Variants in RNASE12 observed in about 807,000 individuals in gnomAD.
The protein encoded by RNASE12 is probable inactive ribonuclease-like protein 12.
For synonymous variants in RNASE12, 55 were observed against 59.8 expected (o/e 0.92, Z 0.37); for missense variants, 161 against 177.6 (o/e 0.91, Z 0.53).
In RNASE12 at chr14:20,590,544, G is replaced by A. The variant is rs1310966333; in HGVS notation, c.180C>T (p.His60=). ...TGAAGACATGCTCCTTTTTACAAGT[G>A]TGGTCAGGTTCCCTGATAACTCTTT... Residue 60 remains histidine, a synonymous_variant, in exon 1 of 1, where the codon CAC becomes CAT. Transcript: ENST00000556526. 4 of 1,614,254 alleles carry A rather than the reference G, an allele frequency of 2.5e-6. No homozygotes were observed. In the South Asian group the frequency reaches 3.3e-5, roughly 13 times the overall value.
exon 1 of RNASE12, chr14:20,590,593 C>A: frequency 6.2e-7 from 1 of 1,614,228 alleles, no homozygotes; most frequent in Non-Finnish European, 8.5e-7. Flanking sequence ...GTTGCAGTAC[C>A]TTGCAGGAAC....
exon 1 of RNASE12, chr14:20,590,705 T>G: frequency 6.2e-7 from 1 of 1,613,886 alleles, no homozygotes; most frequent in South Asian, 1.1e-5. Context: ...ACCAAGAAAA[T>G]TATCACCATT....
chr14:20,590,782 G>GA lies in RNASE12; in HGVS notation c.-60dup, dbSNP rs1884560933. ...GACTGCTGTTGAGTAAGGGAAGATA[G>GA]AAAGTAGCAAAGGACAGTCAGATTC... On this transcript the variant is annotated 5_prime_UTR_variant, in exon 1 of 1. Coordinates refer to ENST00000556526, the Ensembl canonical transcript of RNASE12. The GA allele has an allele frequency of 1.9e-6, 3 of 1,582,400 alleles. No individual in the cohort carries two copies. In the Admixed American group the frequency reaches 5.1e-5, roughly 27 times the overall value.
At chr14:20,590,914 T>C (rs758742735), upstream of RNASE12, 35 of 1,427,784 alleles carry the variant, frequency 2.5e-5, no homozygotes, top group Non-Finnish European at 3.0e-5. Flanking sequence ...GGAGGCATAG[T>C]TCCCCAAGAA....
At chr14:20,590,160 C>T, downstream of RNASE12, 1 of 1,491,036 alleles carries the variant, frequency 6.7e-7, no homozygotes, top group Non-Finnish European at 8.9e-7. Context: ...AATTAATTAC[C>T]AGTGGCTTCC....
chr14:20,590,585 T>C, exon 1 of RNASE12: 1 of 1,614,276 alleles, frequency 6.2e-7, no homozygotes, highest in South Asian at 1.1e-5. Context: ...ATCATGTGGT[T>C]GCAGTACCTT....
At chr14:20,591,286 G>A, upstream of RNASE12, 1 of 985,326 alleles carries the variant, frequency 1.0e-6, no homozygotes, top group East Asian at 1.1e-4. Context: ...ACTGTCACAG[G>A]TAACATAGCC....
exon 1 of RNASE12, chr14:20,590,652 C>T: frequency 6.2e-7 from 1 of 1,614,244 alleles, no homozygotes; most frequent in Non-Finnish European, 8.5e-7. Flanking sequence ...CTAAAGTTGA[C>T]ATCACTGCTT....
rs753961473 is a variant in RNASE12 at position 20,590,504 on chromosome 14, G to A, written c.220C>T (p.Arg74Ter). The change falls in exon 1 of 1, where the codon CGA (arginine) becomes TGA (stop). Residue 74 changes from arginine to a stop codon, truncating the protein, a stop_gained. Coordinates refer to ENST00000556526, the Ensembl canonical transcript of RNASE12. LOFTEE classifies it low-confidence loss of function (END_TRUNC). ...GAAATGCAAATACCATTGATTTTTCGAGGCCTCTCATGGATGAAGACATGC... is the reference window on the plus strand; with the variant it reads ...GAAATGCAAATACCATTGATTTTTCAAGGCCTCTCATGGATGAAGACATGC... 5 of 1,614,198 alleles carry A rather than the reference G, an allele frequency of 3.1e-6. No homozygotes were observed. The highest frequency in any genetic ancestry group is 4.5e-5 in the East Asian group (2 of 44,888).
chr14:20,590,994 T>C, upstream of RNASE12: 1 of 985,448 alleles, frequency 1.0e-6, no homozygotes, highest in Non-Finnish European at 1.2e-6. Flanking sequence ...CCTGTTGTGT[T>C]TGTTTTGTTC....
At chr14:20,591,350 A>T, upstream of RNASE12, 1 of 938,554 alleles carries the variant, frequency 1.1e-6, no homozygotes, top group Non-Finnish European at 1.3e-6. Flanking sequence ...CCTGACAATA[A>T]CTGATAGAGA....
At chr14:20,591,073 C>T, upstream of RNASE12, 1 of 985,298 alleles carries the variant, frequency 1.0e-6, no homozygotes, top group Non-Finnish European at 1.2e-6. Context: ...CAACACAGAG[C>T]TAGACATATA....
At chr14:20,590,293 C>A (rs779844364) in exon 1 of RNASE12, 1 of 1,613,436 alleles carries the variant, frequency 6.2e-7, no homozygotes, top group Admixed American at 1.7e-5. Flanking sequence ...TTTAACATAG[C>A]CAAGGAAACT....
In RNASE12 at chr14:20,590,731, A is replaced by C; in HGVS notation, c.-8T>G. On this transcript the variant is annotated 5_prime_UTR_variant, in exon 1 of 1. The change creates a premature stop within an existing upstream ORF in the 5' untranslated region. Coordinates refer to ENST00000556526, the Ensembl canonical transcript of RNASE12. ...TATCACCATTATTATCATCAGAGGT[A>C]AGAGTGACTTCGCATCTTTGGCTTT... is the stretch of plus-strand genomic sequence containing the variant. The C allele has an allele frequency of 2.5e-6, 4 of 1,610,236 alleles. No homozygotes were observed. The highest frequency in any genetic ancestry group is 3.4e-6 in the Non-Finnish European group (4 of 1,176,798).
At chr14:20,591,221 C>T, upstream of RNASE12, 1 of 984,712 alleles carries the variant, frequency 1.0e-6, no homozygotes, top group Non-Finnish European at 1.2e-6. Context: ...GTCCCTCCCT[C>T]TGTCAATCCT....
exon 1 of RNASE12, chr14:20,590,520 G>A: frequency 6.2e-7 from 1 of 1,614,252 alleles, no homozygotes; most frequent in Non-Finnish European, 8.5e-7. Context: ...TCTCATGGAT[G>A]AAGACATGCT....
exon 1 of RNASE12, chr14:20,590,423 T>C: frequency 6.2e-7 from 1 of 1,614,214 alleles, no homozygotes; most frequent in Non-Finnish European, 8.5e-7. Context: ...TTGAACTTTG[T>C]CTCACTCTGA....
exon 1 of RNASE12, chr14:20,590,733 G>T (rs372871773): frequency 1.2e-5 from 19 of 1,609,272 alleles, no homozygotes; most frequent in African/African-American, 2.7e-5. Flanking sequence ...TCAGAGGTAA[G>T]AGTGACTTCG....
At chr14:20,591,163 C>G, upstream of RNASE12, 2 of 985,016 alleles carry the variant, frequency 2.0e-6, no homozygotes, top group Non-Finnish European at 2.4e-6. Context: ...CCCAATTGCA[C>G]ATGATTTTAG....
Sources: allele counts gnomAD v4.1 joint callset, GRCh38; gene constraint gnomAD v4.1.1; transcripts MANE v1.5; gene names NCBI Gene and HGNC (gene_info 2026-07-23, HGNC 2026-07-21).